CEMIP2: variants seen among roughly 807,000 people sequenced by gnomAD.
CEMIP2 encodes the protein cell migration inducing hyaluronidase 2.
CEMIP2 carries 79 observed loss-of-function variants against 146.9 expected under a neutral mutation model. The ratio of observed to expected loss-of-function variants is 0.54; its 90% CI spans 0.45 to 0.65. The LOEUF (loss-of-function observed/expected upper bound fraction) is 0.65. Ranked by LOEUF, CEMIP2 falls within the 30% of genes least tolerant of loss-of-function variation. The probability of loss-of-function intolerance (pLI) is 0.00; values close to 1 mark genes in which losing one functional copy is unlikely to be tolerated. For missense variants in CEMIP2, 1,596 were observed against 1,696.2 expected, an observed-to-expected ratio of 0.94 and a Z score of 1.04; for synonymous variants, 601 against 606.3, an observed-to-expected ratio of 0.99 and a Z score of 0.13.
At position 71,750,376 on chromosome 9, in the gene CEMIP2, T is replaced by C. The variant is rs1589164443; in HGVS notation, c.-3A>G. The C allele has an allele frequency of 6.3e-7, 1 of 1,582,516 alleles. No individual in the cohort carries two copies. Among genetic ancestry groups the C allele is most frequent in the South Asian group, 1.2e-5 (1 of 86,362 alleles). ...CCCCTGGAATCAGTGGCATACATGA[T>C]ACACTGTTACTGTGAAAAGAAAAAA... On this transcript the variant is annotated 5_prime_UTR_variant, in exon 2 of 24. Transcript: ENST00000377044.
intron 19 of CEMIP2, chr9:71,699,409 G>A: frequency 2.2e-6 from 1 of 447,510 alleles, no homozygotes. Flanking sequence ...CTATGCCTGT[G>A]AACTGCACTC....
intron 1 of CEMIP2, among the ~76,000 whole-genome samples, chr9:71,752,490 A>AGGGGGAGGAGAGGG (rs371273601): frequency 2.3e-5 from 3 of 129,528 alleles, no homozygotes; most frequent in African/African-American, 2.7e-5. Context: ...GGGGGAGGGA[A>AGGGGGAGGAGAGGG]GGAGGGAGGA....
chr9:71,755,489 A>C (rs1824408322), intron 1 of CEMIP2, among the ~76,000 whole-genome samples: 1 of 152,112 alleles, frequency 6.6e-6, no homozygotes, highest in African/African-American at 2.4e-5. Context: ...TCAAGGTTGC[A>C]GTGAGCCATG....
chr9:71,717,802 C>T, intron 13 of CEMIP2, 146 bp downstream of exon 13: 2 of 734,364 alleles, frequency 2.7e-6, no homozygotes, highest in Non-Finnish European at 4.0e-6. Flanking sequence ...TTAACTCTAG[C>T]ATACTTCCTC....
At chr9:71,748,844 A>C (rs1247509609) in intron 2 of CEMIP2, among the ~76,000 whole-genome samples, 1 of 152,228 alleles carries the variant, frequency 6.6e-6, no homozygotes, top group African/African-American at 2.4e-5. Context: ...AAATCCCTTG[A>C]AAGCACCCAA....
intron 16 of CEMIP2, among the ~76,000 whole-genome samples, chr9:71,709,988 T>C (rs994711275): frequency 6.6e-6 from 1 of 152,218 alleles, no homozygotes; most frequent in African/African-American, 2.4e-5. Context: ...CTTGTTCATA[T>C]GACTCCCCCC....
At chr9:71,707,720 A>G (rs1822791547) in intron 17 of CEMIP2, among the ~76,000 whole-genome samples, 1 of 152,208 alleles carries the variant, frequency 6.6e-6, no homozygotes, top group South Asian at 2.1e-4. Flanking sequence ...GATCCTCCCC[A>G]GGAAGAGCCC....
At chr9:71,751,469 T>C (rs1824252046) in intron 1 of CEMIP2, among the ~76,000 whole-genome samples, 1 of 152,202 alleles carries the variant, frequency 6.6e-6, no homozygotes, top group South Asian at 2.1e-4. Context: ...CCCTGGGATC[T>C]AAGTATTTGC....
chr9:71,697,692 T>C, intron 20 of CEMIP2: 2 of 306,238 alleles, frequency 6.5e-6, no homozygotes, highest in Non-Finnish European at 1.2e-5. Context: ...GAATCAAACA[T>C]CTGAGAAAGA....
Position 71,750,131 on chromosome 9 carries a change from ATTTTTGTGTCTCTTTTGC to A in CEMIP2, c.225_242del (p.Lys75_Lys80del). 1 of 1,613,932 alleles carries A rather than the reference ATTTTTGTGTCTCTTTTGC, an allele frequency of 6.2e-7. No individual in the cohort carries two copies. ...TAGTAATAGCAAAACAAATGAAAGT[ATTTTTGTGTCTCTTTTGC>A]TTTTGACTTTCTCTCTGGGCTTGCT... is the stretch of plus-strand genomic sequence containing the variant. On this transcript the variant is annotated inframe_deletion, in exon 2 of 24. Transcript: ENST00000377044.
chr9:71,719,457 G>C (rs1178857131), intron 12 of CEMIP2, among the ~76,000 whole-genome samples: 1 of 152,154 alleles, frequency 6.6e-6, no homozygotes, highest in Non-Finnish European at 1.5e-5. Context: ...GGAAGTCAAT[G>C]GAAGCATGGA....
rs146794948 is a variant in CEMIP2 at position 71,685,513 on chromosome 9, T to C, written c.3956-120A>G. 58 of 1,215,016 alleles carry C rather than the reference T, an allele frequency of 4.8e-5. No homozygotes were observed. The African/African-American group carries it at 8.1e-4, about 17-fold the overall frequency. The allele number at this position is 1,215,016 out of a possible 1,614,324, so 75.3% of individuals were successfully genotyped here. ...AACAAAGGCAGCTATTAAAAAACTC[T>C]GCACTTCCTTACATCAGCAAATGAA... On this transcript the variant is annotated intron_variant, in intron 23 of 23. Transcript: ENST00000377044.
At position 71,712,176 on chromosome 9, in the gene CEMIP2, T is replaced by C; in HGVS notation, c.2676A>G (p.Pro892=). 1.2e-5 allele frequency: 19 copies of C among 1,614,204 alleles called. No homozygotes were observed. The highest frequency in any genetic ancestry group is 1.5e-5 in the Non-Finnish European group (18 of 1,180,024). ...AGCCAATTGCACTGCTGTACCTATC[T>C]GGAGTTGGCACATATTTTTTGAAAG... ...RSTFKKYVPT[P]DRYSSAIGFL... Residue 892 remains proline (P), a synonymous_variant, in exon 16 of 24, where the codon CCA becomes CCG. Coordinates refer to ENST00000377044, the MANE Select transcript of CEMIP2 (RefSeq NM_013390.3).
intron 16 of CEMIP2, among the ~76,000 whole-genome samples, chr9:71,710,089 G>A (rs1822863900): frequency 1.3e-5 from 2 of 152,238 alleles, no homozygotes; most frequent in African/African-American, 4.8e-5. Context: ...AAACTCACTA[G>A]AATCTGCTAA....
chr9:71,734,208 G>GGTTTTT (rs374206725), intron 6 of CEMIP2, among the ~76,000 whole-genome samples: 57 of 144,240 alleles, frequency 4.0e-4, no homozygotes, highest in East Asian at 7.0e-4. Context: ...ATGAGTTTTT[G>GGTTTTT]TTTTTGTTTT....
At chr9:71,732,321 T>C in intron 7 of CEMIP2, 30 bp downstream of exon 7, 1 of 1,521,492 alleles carries the variant, frequency 6.6e-7, no homozygotes, top group Non-Finnish European at 8.8e-7. Flanking sequence ...AACCAGGATT[T>C]CAAAGAAATA....
intron 20 of CEMIP2, among the ~76,000 whole-genome samples, chr9:71,697,424 A>G (rs1393630528): frequency 6.6e-6 from 1 of 152,196 alleles, no homozygotes; most frequent in Non-Finnish European, 1.5e-5. Context: ...TGTTAGAAGA[A>G]GCATTTGCAT....
chr9:71,693,601 C>A (rs1250930799), intron 21 of CEMIP2, among the ~76,000 whole-genome samples: 1 of 152,172 alleles, frequency 6.6e-6, no homozygotes, highest in African/African-American at 2.4e-5. Context: ...TGAATAAACA[C>A]AATCTACTCA....
At chr9:71,702,830 A>AT (rs776240168) in intron 18 of CEMIP2, among the ~76,000 whole-genome samples, 58 of 151,946 alleles carry the variant, frequency 3.8e-4, no homozygotes, top group Non-Finnish European at 7.2e-4. Context: ...TAGGCTCAGC[A>AT]TTTTTTTTCA....
Sources: gnomAD v4.1 joint callset for allele counts (sites outside exome capture counted in the v4.1 genomes callset) on GRCh38, gnomAD v4.1.1 for gene constraint, MANE v1.5 for transcripts, NCBI Gene and HGNC (gene_info 2026-07-23, HGNC 2026-07-21) for gene names.